Variants in SNTG1 observed in about 807,000 individuals in gnomAD.
SNTG1 encodes syntrophin gamma 1, also known as gamma-1-syntrophin.
SNTG1 carries 39 observed loss-of-function variants against 74.7 expected under a neutral mutation model. That is an observed-to-expected ratio of 0.52 (90% CI 0.40 to 0.68). The LOEUF (loss-of-function observed/expected upper bound fraction) is 0.68, where lower values mean the gene tolerates loss of function less well. SNTG1 is among the 30% of genes least tolerant of loss of function. SNTG1 has a pLI of 0.00. For missense variants in SNTG1, 685 were observed against 609.5 expected, an observed-to-expected ratio of 1.12 and a Z score of -1.30; for synonymous variants, 254 against 217.1, an observed-to-expected ratio of 1.17 and a Z score of -1.49.
At chr8:50,182,128 AT>A (rs1554598926) in intron 2 of SNTG1, among the ~76,000 whole-genome samples, 1 of 152,342 alleles carries the variant, frequency 6.6e-6, no homozygotes, top group South Asian at 2.1e-4. Flanking sequence ...ACGAAGATCT[AT>A]TTTAGAAGAG....
intron 1 of SNTG1, among the ~76,000 whole-genome samples, chr8:50,072,413 A>T (rs1422186573): frequency 6.6e-6 from 1 of 152,174 alleles, no homozygotes; most frequent in Non-Finnish European, 1.5e-5. Flanking sequence ...TTTAGGAGGA[A>T]GACACTAAAT....
intron 18 of SNTG1, among the ~76,000 whole-genome samples, chr8:50,789,572 C>G (rs558563384): frequency 6.6e-6 from 1 of 152,072 alleles, no homozygotes; most frequent in South Asian, 2.1e-4. Flanking sequence ...ATGTAACATG[C>G]CCAAAACCAA....
chr8:49,989,835 G>T (rs1813512475), intron 1 of SNTG1, among the ~76,000 whole-genome samples: 1 of 151,748 alleles, frequency 6.6e-6, no homozygotes, highest in Non-Finnish European at 1.5e-5. Context: ...CAGTAATAAA[G>T]AAAATCTGTG....
chr8:50,163,881 A>G (rs1402888215), intron 1 of SNTG1: 1 of 152,162 alleles, frequency 6.6e-6, no homozygotes, highest in African/African-American at 2.4e-5. Flanking sequence ...TAAGAATTCA[A>G]AAATCTTCAT....
intron 2 of SNTG1, among the ~76,000 whole-genome samples, chr8:50,229,657 CT>C (rs34237770): frequency 1.3e-5 from 2 of 150,510 alleles, no homozygotes; most frequent in African/African-American, 2.4e-5. Flanking sequence ...CTTTATCACC[CT>C]TTTTTTTAAG....
intron 1 of SNTG1, among the ~76,000 whole-genome samples, chr8:50,036,325 T>G (rs1227015530): frequency 6.6e-6 from 1 of 152,330 alleles, no homozygotes; most frequent in Non-Finnish European, 1.5e-5. Flanking sequence ...TTTAATGTAC[T>G]GTGCCCAGTG....
chr8:50,256,560 G>A (rs1232855166), intron 2 of SNTG1, among the ~76,000 whole-genome samples: 4 of 151,734 alleles, frequency 2.6e-5, no homozygotes, highest in Non-Finnish European at 4.4e-5. Context: ...CAATATATAA[G>A]GAAATAGCAG....
chr8:50,748,722 G>A (rs2095560679), intron 17 of SNTG1, among the ~76,000 whole-genome samples: 1 of 151,836 alleles, frequency 6.6e-6, no homozygotes, highest in South Asian at 2.1e-4. Flanking sequence ...AATTACATTT[G>A]TTATGGTGGC....
At chr8:50,422,127 C>T (rs1421284476) in intron 4 of SNTG1, among the ~76,000 whole-genome samples, 1 of 152,148 alleles carries the variant, frequency 6.6e-6, no homozygotes, top group African/African-American at 2.4e-5. Context: ...TGCAAATTTT[C>T]TTCACAAAAG....
intron 17 of SNTG1, among the ~76,000 whole-genome samples, chr8:50,727,094 AAG>A (rs914922608): frequency 3.9e-5 from 6 of 152,178 alleles, no homozygotes; most frequent in African/African-American, 1.4e-4. Flanking sequence ...GTGAATACGC[AAG>A]AGAGAAAAGG....
chr8:50,270,789 A>G (rs1341850924), intron 2 of SNTG1, among the ~76,000 whole-genome samples: 3 of 152,312 alleles, frequency 2.0e-5, no homozygotes, highest in South Asian at 4.1e-4. Context: ...TGTAAAAGAG[A>G]AAGAAAGACC....
chr8:50,670,897 G>A (rs1180723129), intron 15 of SNTG1, among the ~76,000 whole-genome samples: 1 of 151,668 alleles, frequency 6.6e-6, no homozygotes, highest in East Asian at 1.9e-4. Flanking sequence ...CACATATCTA[G>A]AACTATCTGA....
chr8:50,784,373 A>G (rs2095668632), intron 18 of SNTG1, among the ~76,000 whole-genome samples: 1 of 152,202 alleles, frequency 6.6e-6, no homozygotes, highest in Non-Finnish European at 1.5e-5. Flanking sequence ...TATAATAATG[A>G]AAAAAGAACC....
chr8:50,700,601 T>C (rs1397945730), intron 15 of SNTG1, among the ~76,000 whole-genome samples: 1 of 152,178 alleles, frequency 6.6e-6, no homozygotes, highest in African/African-American at 2.4e-5. Flanking sequence ...CCTGGTCTTT[T>C]TCAGGCTTGC....
intron 1 of SNTG1, among the ~76,000 whole-genome samples, chr8:49,954,552 A>G (rs1809995063): frequency 6.6e-6 from 1 of 152,156 alleles, no homozygotes; most frequent in Non-Finnish European, 1.5e-5. Flanking sequence ...TTTTCTCTGC[A>G]GTTTCTTTCA....
At chr8:49,980,453 C>T (rs1812570961) in intron 1 of SNTG1, among the ~76,000 whole-genome samples, 1 of 137,524 alleles carries the variant, frequency 7.3e-6, no homozygotes, top group Non-Finnish European at 1.5e-5. Context: ...GCACGAGTTC[C>T]TCCATATCCC....
intron 8 of SNTG1, among the ~76,000 whole-genome samples, chr8:50,455,011 C>T (rs558493379): frequency 2.0e-4 from 30 of 151,880 alleles, no homozygotes; most frequent in African/African-American, 6.8e-4. Flanking sequence ...ATTGAGTATA[C>T]AAAAATTTTA....
intron 1 of SNTG1, among the ~76,000 whole-genome samples, chr8:49,940,844 G>C (rs1003076854): frequency 6.6e-6 from 1 of 152,102 alleles, no homozygotes; most frequent in South Asian, 2.1e-4. Flanking sequence ...CATGAGACAG[G>C]ATACTGCTTA....
chr8:50,584,122 A>G (rs1305845377), intron 12 of SNTG1, among the ~76,000 whole-genome samples: 3 of 152,146 alleles, frequency 2.0e-5, no homozygotes, highest in East Asian at 1.9e-4. Context: ...TTATGGCTAC[A>G]TAGTATTCCA....
Sources: gnomAD v4.1 joint callset for allele counts (sites outside exome capture counted in the v4.1 genomes callset) on GRCh38, gnomAD v4.1.1 for gene constraint, MANE v1.5 for transcripts, NCBI Gene and HGNC (gene_info 2026-07-23, HGNC 2026-07-21) for gene names.